SCOC: variants seen among roughly 807,000 people sequenced by gnomAD.
SCOC encodes the protein short coiled-coil protein.
Under a neutral mutation model 9.9 loss-of-function variants are expected in SCOC, and 7 were observed. That is an observed-to-expected ratio of 0.71 (90% confidence interval 0.40 to 1.33). SCOC has a LOEUF of 1.33. Among genes scored for constraint, SCOC ranks in the 40% most tolerant of loss-of-function variants. The probability of loss-of-function intolerance (pLI) is 0.01; values close to 1 mark genes in which losing one functional copy is unlikely to be tolerated. For synonymous variants in SCOC, 19 were observed against 28.2 expected (o/e 0.67, Z 1.03); for missense variants, 66 against 89.7 (o/e 0.74, Z 1.07).
At chr4:140,368,616 C>T (rs571265163) in intron 2 of SCOC, among the ~76,000 whole-genome samples, 1 of 152,192 alleles carries the variant, frequency 6.6e-6, no homozygotes, top group East Asian at 1.9e-4. Flanking sequence ...CTGGTCTGTT[C>T]CTTTATCCAA....
chr4:140,300,126 G>A (rs1292896595), intron 1 of SCOC, among the ~76,000 whole-genome samples: 1 of 152,190 alleles, frequency 6.6e-6, no homozygotes, highest in Non-Finnish European at 1.5e-5. Flanking sequence ...GACAAAGGCC[G>A]CAGGTTTGAT....
chr4:140,303,825 C>T (rs1731882583), intron 1 of SCOC, among the ~76,000 whole-genome samples: 2 of 152,174 alleles, frequency 1.3e-5, no homozygotes, highest in African/African-American at 4.8e-5. Flanking sequence ...TTAGTCCCTT[C>T]CCACTATTTT....
chr4:140,308,470 G>T (rs1416437177), intron 1 of SCOC, among the ~76,000 whole-genome samples: 1 of 152,134 alleles, frequency 6.6e-6, no homozygotes, highest in Non-Finnish European at 1.5e-5. Flanking sequence ...TGACCTCCGT[G>T]AATGCTCCAA....
intron 1 of SCOC, chr4:140,285,370 C>A: frequency 2.3e-6 from 1 of 441,156 alleles, no homozygotes; most frequent in Non-Finnish European, 4.6e-6. Flanking sequence ...TACCAGATGA[C>A]TGAACTAAAA....
chr4:140,374,305 C>G (rs1728229912), intron 1 of SCOC: 5 of 387,576 alleles, frequency 1.3e-5, no homozygotes, highest in South Asian at 9.3e-5. Context: ...AAAGAGGATA[C>G]ATTCCTGAAA....
Position 140,383,639 on chromosome 4 carries a change from T to C in SCOC, c.*2535T>C, listed in dbSNP as rs1368553060. On this transcript the variant is annotated 3_prime_UTR_variant, in exon 4 of 4. Transcript: ENST00000608372. ...GTTACTCCTTATCCATTTTCTTCCA[T>C]GGCTACCTCAGAAGTAGAGATTGGG... 2 of 152,146 alleles carry C rather than the reference T, an allele frequency of 1.3e-5. No homozygotes were observed. Among genetic ancestry groups the C allele is most frequent in the East Asian group, 1.9e-4 (1 of 5,180 alleles). The allele number at this position is 152,146 out of a possible 1,614,324, so 9.4% of individuals were successfully genotyped here.
intron 2 of SCOC, among the ~76,000 whole-genome samples, chr4:140,344,867 G>A (rs1184635919): frequency 1.3e-5 from 2 of 152,182 alleles, no homozygotes; most frequent in African/African-American, 2.4e-5. Context: ...GCAGTTCGTA[G>A]AGAAAGCTTG....
intron 2 of SCOC, among the ~76,000 whole-genome samples, chr4:140,362,138 G>C (rs1005865300): frequency 9.4e-6 from 1 of 105,956 alleles, no homozygotes; most frequent in East Asian, 3.4e-4. Flanking sequence ...AGGAAAGAGA[G>C]AGCCTGGCCA....
At chr4:140,312,689 C>T (rs1732191711) in intron 1 of SCOC, among the ~76,000 whole-genome samples, 1 of 152,186 alleles carries the variant, frequency 6.6e-6, no homozygotes, top group African/African-American at 2.4e-5. Flanking sequence ...CCTCACTTGG[C>T]TGCTAAAGTC....
At chr4:140,269,298 C>G (rs1246055594) in intron 1 of SCOC, among the ~76,000 whole-genome samples, 1 of 152,138 alleles carries the variant, frequency 6.6e-6, no homozygotes, top group Non-Finnish European at 1.5e-5. Context: ...CAATAGTGTA[C>G]AGTGAAAGTG....
At chr4:140,370,943 T>C (rs1011491482), upstream of SCOC, among the ~76,000 whole-genome samples, 2 of 151,406 alleles carry the variant, frequency 1.3e-5, no homozygotes, top group African/African-American at 4.9e-5. Context: ...CAGGCTGGAG[T>C]GCAGTGGCAC....
At chr4:140,317,582 G>C (rs894174963) in intron 1 of SCOC, among the ~76,000 whole-genome samples, 3 of 149,942 alleles carry the variant, frequency 2.0e-5, no homozygotes, top group Non-Finnish European at 4.4e-5. Context: ...CTCAGTTTTT[G>C]AGACATGAGT....
chr4:140,362,302 T>TTCTTCTTCTTCTTCTTC lies in SCOC; in HGVS notation c.71-16818_71-16817insCTTCTTCTTCTTCTTCT, dbSNP rs1727582964. On this transcript the variant is annotated intron_variant, in intron 2 of 4. Transcript: ENST00000338517. ...ACTTCTTCTTCTTCTTCTTCTTCTT[T>TTCTTCTTCTTCTTCTTC]TTTTTTTTTTTTTGTGAGAGTCTCG... is the stretch of plus-strand genomic sequence containing the variant. Among the ~76,000 whole-genome samples, 10 of 27,838 alleles carry TTCTTCTTCTTCTTCTTC rather than the reference T, an allele frequency of 3.6e-4. 1 individual carries two copies. The highest frequency in any genetic ancestry group is 1.4e-3 in the East Asian group (2 of 1,458). The allele number at this position is 27,838 out of a possible 152,430, so 18.3% of individuals were successfully genotyped here.
At chr4:140,278,100 T>C (rs1293878163) in intron 1 of SCOC, among the ~76,000 whole-genome samples, 1 of 152,232 alleles carries the variant, frequency 6.6e-6, no homozygotes, top group Non-Finnish European at 1.5e-5. Flanking sequence ...CTCCTGTTGC[T>C]ATAACAAAAT....
At chr4:140,322,083 CT>C (rs1283962341) in intron 1 of SCOC, among the ~76,000 whole-genome samples, 3 of 152,166 alleles carry the variant, frequency 2.0e-5, no homozygotes, top group African/African-American at 7.2e-5. Flanking sequence ...ACCTCTAGAA[CT>C]GTGAGAAATA....
chr4:140,371,581 T>C (rs867026009), upstream of SCOC, among the ~76,000 whole-genome samples: 5 of 152,344 alleles, frequency 3.3e-5, no homozygotes, highest in South Asian at 1.0e-3. Context: ...AATAGTTTTT[T>C]CCCCACAACC....
chr4:140,311,932 T>C (rs921122474), intron 1 of SCOC, among the ~76,000 whole-genome samples: 60 of 152,214 alleles, frequency 3.9e-4, no homozygotes, highest in African/African-American at 1.4e-3. Flanking sequence ...TGAGGATGCA[T>C]CTTTAGAATG....
At chr4:140,310,525 T>C (rs1486122488) in intron 1 of SCOC, among the ~76,000 whole-genome samples, 3 of 152,250 alleles carry the variant, frequency 2.0e-5, no homozygotes, top group African/African-American at 7.2e-5. Context: ...CAGCAACCAG[T>C]AGGCATAGAG....
chr4:140,287,212 G>A (rs1415534403), intron 1 of SCOC, among the ~76,000 whole-genome samples: 1 of 147,354 alleles, frequency 6.8e-6, no homozygotes, highest in Non-Finnish European at 1.5e-5. Flanking sequence ...ATGTGCAAAT[G>A]CCACACAGAC....
Sources: gnomAD v4.1 joint callset for allele counts (sites outside exome capture counted in the v4.1 genomes callset) on GRCh38, gnomAD v4.1.1 for gene constraint, MANE v1.5 for transcripts, NCBI Gene and HGNC (gene_info 2026-07-23, HGNC 2026-07-21) for gene names.